AGR2: variants seen among roughly 807,000 people sequenced by gnomAD.
AGR2 encodes the protein anterior gradient 2, protein disulphide isomerase family member, also known as anterior gradient protein 2 homolog.
Under a neutral mutation model 25.9 loss-of-function variants are expected in AGR2, and 27 were observed. That is an observed-to-expected ratio of 1.04 (90% CI 0.77 to 1.44). AGR2 has a LOEUF of 1.44. Ranked by LOEUF, AGR2 falls within the 40% of genes most tolerant of loss-of-function variation. The pLI is 0.00. For synonymous variants in AGR2, 78 were observed against 72.0 expected, an observed-to-expected ratio of 1.08 and a Z score of -0.42; for missense variants, 182 against 200.9, an observed-to-expected ratio of 0.91 and a Z score of 0.57.
chr7:16,801,183 A>C lies in AGR2; in HGVS notation c.224T>G (p.Ile75Ser), dbSNP rs1342565920. Reference protein sequence around the residue: ...SKTSNKPLMIIHHLDECPHSQ... With the variant: ...SKTSNKPLMISHHLDECPHSQ... ...GTGTGGGCACTCATCCAAGTGATGA[A>C]TAATCATCAAGGGTTTGTTGCTTTA... is the stretch of plus-strand genomic sequence containing the variant. Residue 75 changes from isoleucine (I) to serine (S), a missense_variant, in exon 4 of 8, where the codon ATT becomes AGT. Coordinates refer to ENST00000419304, the MANE Select transcript of AGR2 (RefSeq NM_006408.4). The C allele has an allele frequency of 1.2e-6, 2 of 1,613,750 alleles. No individual in the cohort carries two copies. The highest frequency in any genetic ancestry group is 1.7e-6 in the Non-Finnish European group (2 of 1,179,710).
chr7:16,799,317 G>T (rs1785101395), intron 5 of AGR2, among the ~76,000 whole-genome samples: 1 of 152,120 alleles, frequency 6.6e-6, no homozygotes, highest in South Asian at 2.1e-4. Flanking sequence ...GCACCGTGAG[G>T]GGTGGTAGTG....
chr7:16,799,714 A>G, intron 5 of AGR2, 30 bp downstream of exon 5: 1 of 1,525,698 alleles, frequency 6.6e-7, no homozygotes, highest in Non-Finnish European at 9.1e-7. Flanking sequence ...GCCATAGAGA[A>G]ATGTTAGTAA....
intron 4 of AGR2, 31 bp downstream of exon 4, chr7:16,801,119 TA>T (rs1562527903): frequency 5.6e-6 from 9 of 1,596,830 alleles, no homozygotes; most frequent in Non-Finnish European, 7.7e-6. Context: ...TAAAAGCCTA[TA>T]AAGGAAATCA....
rs1019633301 is a variant in AGR2 at position 16,792,265 on chromosome 7, T to C, written c.*643A>G. 6.6e-6 allele frequency: 1 copy of C among 152,292 alleles called. No individual in the cohort carries two copies. The highest frequency in any genetic ancestry group is 2.4e-5 in the African/African-American group (1 of 41,444). 9.4% of individuals were successfully genotyped at this position (152,292 alleles called of 1,614,324 possible). A position where few individuals can be genotyped will look rare whatever the true frequency, so the allele number is the denominator to read the frequency against. On this transcript the variant is annotated 3_prime_UTR_variant, in exon 8 of 8. Transcript: ENST00000419304. Reference sequence around the variant, plus strand: ...GATGACCTTTCTACTAAATTAGACCTCTGAAGGAGAAAGCTACTTGCCAGA... The same window carrying C: ...GATGACCTTTCTACTAAATTAGACCCCTGAAGGAGAAAGCTACTTGCCAGA...
intron 1 of AGR2, among the ~76,000 whole-genome samples, chr7:16,804,643 T>C (rs1294563886): frequency 6.6e-6 from 1 of 152,154 alleles, no homozygotes; most frequent in South Asian, 2.1e-4. Context: ...CTGGACCCTG[T>C]CCCAGGCTTG....
chr7:16,801,352 T>C lies in AGR2; in HGVS notation c.171A>G (p.Thr57=), dbSNP rs755644685. 45 of 1,613,736 alleles carry C rather than the reference T, an allele frequency of 2.8e-5. No homozygotes were observed. Among genetic ancestry groups the C allele is most frequent in the Non-Finnish European group, 3.5e-5 (41 of 1,179,898 alleles). The part of the protein sequence containing the change: ...GWGDQLIWTQ[T]YEEALYKSKT... ...TGGATTTATATAGAGCTTCTTCATA[T>C]GTCTGAGTCCAGATGAGTTGGTCAC... is the stretch of plus-strand genomic sequence containing the variant. Residue 57 remains threonine (T), a synonymous_variant, in exon 3 of 8, where the codon ACA becomes ACG. Coordinates refer to ENST00000419304, the MANE Select transcript of AGR2 (RefSeq NM_006408.4).
Position 16,792,097 on chromosome 7 carries a change from C to T in AGR2, c.*811G>A, listed in dbSNP as rs901506708. On this transcript the variant is annotated 3_prime_UTR_variant, in exon 8 of 8. Transcript: ENST00000419304. ...TCCATCTGCCTCATCAACACGTCAC[C>T]ACCCTTTGCTCTTCTTCCAATTAGT... 1.3e-5 allele frequency: 2 copies of T among 152,276 alleles called. No individual in the cohort carries two copies. The highest frequency in any genetic ancestry group is 6.5e-5 in the Admixed American group (1 of 15,278). 9.4% of individuals were successfully genotyped at this position (152,276 alleles called of 1,614,324 possible).
chr7:16,803,478 A>C (rs116583209), intron 1 of AGR2, among the ~76,000 whole-genome samples: 1 of 152,210 alleles, frequency 6.6e-6, no homozygotes, highest in Admixed American at 6.5e-5. Flanking sequence ...TCATAATCTA[A>C]TATCTTGAGT....
At position 16,794,970 on chromosome 7, in the gene AGR2, A is replaced by T. The variant is rs750407322; in HGVS notation, c.444T>A (p.Arg148=). Residue 148 remains arginine, a synonymous_variant, in exon 7 of 8, where the codon CGT becomes CGA. Transcript: ENST00000419304. The stretch of plus-strand genomic sequence containing the variant: ...TATCTGCAGGTTCGTAAGCATAGAG[A>T]CGATTTGAATATCTTCCAGTGATAT... ...RADITGRYSN[R]LYAYEPADTA... 2 of 1,614,170 alleles carry T rather than the reference A, an allele frequency of 1.2e-6. No homozygotes were observed. The highest frequency in any genetic ancestry group is 2.2e-5 in the South Asian group (2 of 91,086).
At chr7:16,795,794 G>T (rs2115353064) in intron 6 of AGR2, among the ~76,000 whole-genome samples, 1 of 152,254 alleles carries the variant, frequency 6.6e-6, no homozygotes, top group Non-Finnish European at 1.5e-5. Flanking sequence ...ATGAGACAAG[G>T]AAGACATGTG....
intron 6 of AGR2, among the ~76,000 whole-genome samples, chr7:16,795,594 A>G (rs1416358391): frequency 6.6e-6 from 1 of 152,230 alleles, no homozygotes; most frequent in Non-Finnish European, 1.5e-5. Context: ...TCTTATGTAT[A>G]CTTATATCCC....
At chr7:16,797,821 T>C (rs570160724) in intron 5 of AGR2, 127 bp from the exon 6 acceptor site, 2 of 683,434 alleles carry the variant, frequency 2.9e-6, no homozygotes, top group South Asian at 3.8e-5. Context: ...CCACACAGAG[T>C]TTATTGTACA....
intron 5 of AGR2, chr7:16,799,439 A>ATCTC: frequency 1.1e-5 from 3 of 272,574 alleles, no homozygotes; most frequent in South Asian, 1.5e-4. Context: ...ATGGGTGTAG[A>ATCTC]GAAGCCAGGA....
At position 16,792,696 on chromosome 7, in the gene AGR2, T is replaced by C; in HGVS notation, c.*212A>G. 2 of 489,370 alleles carry C rather than the reference T, an allele frequency of 4.1e-6. No individual in the cohort carries two copies. Among genetic ancestry groups the C allele is most frequent in the South Asian group, 4.0e-5 (1 of 25,142 alleles). 30.3% of individuals were successfully genotyped at this position (489,370 alleles called of 1,614,324 possible). A position where few individuals can be genotyped will look rare whatever the true frequency, so the allele number is the denominator to read the frequency against. ...ATTTTTTTTTTTAGAAAATCATGGC[T>C]CACTATGGTAGTATACAATATTGTT... On this transcript the variant is annotated 3_prime_UTR_variant, in exon 8 of 8. Transcript: ENST00000419304.
At chr7:16,795,099 G>T in intron 6 of AGR2, 80 bp from the exon 7 acceptor site, 2 of 1,458,568 alleles carry the variant, frequency 1.4e-6, no homozygotes. Context: ...GGGAGCTGAA[G>T]TTCATGTATT....
chr7:16,798,769 C>T (rs1785091610), intron 5 of AGR2, among the ~76,000 whole-genome samples: 1 of 152,096 alleles, frequency 6.6e-6, no homozygotes, highest in Non-Finnish European at 1.5e-5. Context: ...TTATTGCATG[C>T]TGTAGGTAAG....
chr7:16,797,601 C>A, intron 6 of AGR2, 30 bp downstream of exon 6: 1 of 1,607,732 alleles, frequency 6.2e-7, no homozygotes, highest in African/African-American at 1.3e-5. Context: ...GTATGTGTTT[C>A]CGAGTTATCT....
intron 3 of AGR2, 22 bp from the exon 4 acceptor site, chr7:16,801,225 C>T (rs780735485): frequency 6.2e-7 from 1 of 1,612,966 alleles, no homozygotes; most frequent in Admixed American, 1.7e-5. Flanking sequence ...AGAGATTAGA[C>T]AAATTTTAAT....
In AGR2 at chr7:16,799,825, A is replaced by G. The variant is rs754285177; in HGVS notation, c.257-8T>C. ...CAAACACTTTCTTTAAAGCTATAAT[A>G]TAAAGAAAAATCATTAAGCATCCAT... On this transcript the variant is annotated splice_polypyrimidine_tract_variant and splice_region_variant and intron_variant, in intron 4 of 7. Transcript: ENST00000419304. 1.6e-5 allele frequency: 26 copies of G among 1,576,560 alleles called. No homozygotes were observed. Among genetic ancestry groups the G allele is most frequent in the Non-Finnish European group, 2.3e-5 (26 of 1,149,234 alleles).
Sources: allele counts gnomAD v4.1 joint callset (sites outside exome capture counted in the v4.1 genomes callset), GRCh38; gene constraint gnomAD v4.1.1; transcripts MANE v1.5; gene names NCBI Gene and HGNC (gene_info 2026-07-23, HGNC 2026-07-21).